GTF2E2: variants seen among roughly 807,000 people sequenced by gnomAD.
The protein encoded by GTF2E2 is general transcription factor IIE subunit 2, also known as transcription initiation factor IIE subunit beta.
Under a neutral mutation model 40.5 loss-of-function variants are expected in GTF2E2, and 21 were observed. That is an observed-to-expected ratio of 0.52 (90% CI 0.37 to 0.75). The LOEUF (loss-of-function observed/expected upper bound fraction) is 0.75. Ranked by LOEUF, GTF2E2 falls within the 30% of genes least tolerant of loss-of-function variation. The pLI, the probability that GTF2E2 is intolerant of heterozygous loss-of-function variation, is 0.00. For missense variants in GTF2E2, 298 were observed against 338.4 expected (o/e 0.88, Z 0.94); for synonymous variants, 117 against 121.6 (o/e 0.96, Z 0.25).
chr8:30,642,199 G>A (rs1235787034), intron 2 of GTF2E2, among the ~76,000 whole-genome samples: 1 of 151,008 alleles, frequency 6.6e-6, no homozygotes, highest in Non-Finnish European at 1.5e-5. Context: ...GTATTACAGT[G>A]CATTAAATAA....
intron 3 of GTF2E2, among the ~76,000 whole-genome samples, chr8:30,624,342 G>A (rs1303753684): frequency 1.3e-5 from 2 of 152,016 alleles, no homozygotes; most frequent in African/African-American, 4.8e-5. Context: ...TATTATTTCC[G>A]AGGGCTCTGT....
intron 6 of GTF2E2, among the ~76,000 whole-genome samples, chr8:30,591,816 C>A (rs1828859281): frequency 1.3e-5 from 2 of 152,134 alleles, no homozygotes; most frequent in Non-Finnish European, 2.9e-5. Flanking sequence ...CACACAAAAA[C>A]TTGTATAGGT....
intron 4 of GTF2E2, among the ~76,000 whole-genome samples, 171 bp from the exon 5 acceptor site, chr8:30,612,652 T>TTTC (rs1829512254): frequency 6.6e-6 from 1 of 152,060 alleles, no homozygotes; most frequent in East Asian, 1.9e-4. Context: ...TCAGCCTCCC[T>TTTC]CTCCTGCCTC....
intron 2 of GTF2E2, among the ~76,000 whole-genome samples, chr8:30,652,201 A>G (rs1462011894): frequency 1.3e-5 from 2 of 152,230 alleles, no homozygotes; most frequent in African/African-American, 4.8e-5. Flanking sequence ...ACAAATGATA[A>G]AAGAAAAAAA....
At chr8:30,654,948 T>C (rs62505315) in intron 1 of GTF2E2, among the ~76,000 whole-genome samples, 1 of 152,008 alleles carries the variant, frequency 6.6e-6, no homozygotes, top group East Asian at 1.9e-4. Flanking sequence ...TTGTTAGAAA[T>C]GTCTACAGAG....
At position 30,578,824 on chromosome 8, in the gene GTF2E2, C is replaced by A; in HGVS notation, c.*97G>T. The A allele has an allele frequency of 1.3e-6, 1 of 743,020 alleles. No homozygotes were observed. Among genetic ancestry groups the A allele is most frequent in the Non-Finnish European group, 2.5e-6 (1 of 404,012 alleles). 46.0% of individuals were successfully genotyped at this position (743,020 alleles called of 1,614,324 possible). A position where few individuals can be genotyped will look rare whatever the true frequency, so the allele number is the denominator to read the frequency against. The stretch of plus-strand genomic sequence containing the variant: ...ACTGAACTGCTCCTCTCCTCAGCCG[C>A]AAGAAGCAGATAGGAAGACAGTCTT... On this transcript the variant is annotated 3_prime_UTR_variant, in exon 8 of 8. Coordinates refer to ENST00000355904, the MANE Select transcript of GTF2E2 (RefSeq NM_002095.6).
chr8:30,654,992 G>C (rs970331295), intron 1 of GTF2E2, among the ~76,000 whole-genome samples: 7 of 152,102 alleles, frequency 4.6e-5, no homozygotes, highest in Non-Finnish European at 8.8e-5. Context: ...TGTAATCCCA[G>C]CACTTTGGGA....
Position 30,578,346 on chromosome 8 carries a change from C to G in GTF2E2, c.*575G>C, listed in dbSNP as rs1215177028. 1 of 152,282 alleles carries G rather than the reference C, an allele frequency of 6.6e-6. No homozygotes were observed. The highest frequency in any genetic ancestry group is 1.5e-5 in the Non-Finnish European group (1 of 68,098). 9.4% of individuals were successfully genotyped at this position (152,282 alleles called of 1,614,324 possible). On this transcript the variant is annotated 3_prime_UTR_variant, in exon 8 of 8. Coordinates refer to ENST00000355904, the MANE Select transcript of GTF2E2 (RefSeq NM_002095.6). ...CATCCAGCACATCTTTATTGCTCTG[C>G]TTGCTAACAAGCAGCACACCTGTGT... is the stretch of plus-strand genomic sequence containing the variant.
At chr8:30,615,380 C>G (rs1030019409) in intron 3 of GTF2E2, among the ~76,000 whole-genome samples, 3 of 152,140 alleles carry the variant, frequency 2.0e-5, no homozygotes, top group Non-Finnish European at 2.9e-5. Context: ...TTTCACCAAA[C>G]AATCCTATTT....
chr8:30,614,443 C>T (rs546794521), intron 4 of GTF2E2, among the ~76,000 whole-genome samples, 165 bp downstream of exon 4: 15 of 152,016 alleles, frequency 9.9e-5, no homozygotes, highest in African/African-American at 3.4e-4. Flanking sequence ...AGCCTGGTAT[C>T]GTGGCACATG....
At chr8:30,592,029 A>G (rs1026205338) in intron 6 of GTF2E2, among the ~76,000 whole-genome samples, 5 of 152,162 alleles carry the variant, frequency 3.3e-5, no homozygotes, top group Admixed American at 6.6e-5. Context: ...CATTTAATGC[A>G]ACAATGTTTT....
At chr8:30,620,673 C>G (rs923431369) in intron 3 of GTF2E2, among the ~76,000 whole-genome samples, 14 of 149,400 alleles carry the variant, frequency 9.4e-5, no homozygotes, top group African/African-American at 3.3e-4. Context: ...GTCTGCAATC[C>G]CAGCACTTGG....
chr8:30,628,947 A>G (rs975621979), intron 3 of GTF2E2, among the ~76,000 whole-genome samples: 1 of 151,972 alleles, frequency 6.6e-6, no homozygotes, highest in Non-Finnish European at 1.5e-5. Flanking sequence ...AAAAAAAAAA[A>G]ATTTTACCAG....
intron 6 of GTF2E2, among the ~76,000 whole-genome samples, chr8:30,582,657 C>T (rs1828546644): frequency 6.6e-6 from 1 of 152,228 alleles, no homozygotes; most frequent in Non-Finnish European, 1.5e-5. Flanking sequence ...AGTTGTTTTA[C>T]AGAAACTTCC....
At chr8:30,639,861 A>G (rs1801752092) in intron 2 of GTF2E2, among the ~76,000 whole-genome samples, 1 of 152,082 alleles carries the variant, frequency 6.6e-6, no homozygotes, top group Admixed American at 6.6e-5. Flanking sequence ...GGTTGCTGTA[A>G]TAAGATACTA....
Position 30,657,384 on chromosome 8 carries a change from T to G in GTF2E2, c.-5+589A>C, listed in dbSNP as rs576909375. Among the ~76,000 whole-genome samples the G allele has an allele frequency of 1.2e-3, 187 of 152,232 alleles. 1 individual carries two copies. The highest frequency in any genetic ancestry group is 2.0e-3 in the Non-Finnish European group (134 of 68,008). Reference sequence around the variant, plus strand: ...GCCACCATTCGACCTCTTTCAACCTTACTACTTCCCCTCTCTTTCACTTTT... The same window carrying G: ...GCCACCATTCGACCTCTTTCAACCTGACTACTTCCCCTCTCTTTCACTTTT... On this transcript the variant is annotated intron_variant, in intron 1 of 7. Transcript: ENST00000355904.
chr8:30,597,535 C>A (rs1253872109), intron 6 of GTF2E2: 1 of 152,238 alleles, frequency 6.6e-6, no homozygotes, highest in Admixed American at 6.5e-5. Context: ...TAACTGAATT[C>A]TCCTGCGGGA....
chr8:30,631,417 G>A (rs1026435408), intron 3 of GTF2E2, among the ~76,000 whole-genome samples: 1 of 152,160 alleles, frequency 6.6e-6, no homozygotes, highest in Non-Finnish European at 1.5e-5. Context: ...CAATTAGGGA[G>A]GCTGATTCCT....
At chr8:30,608,479 A>T (rs1002578451) in intron 5 of GTF2E2, among the ~76,000 whole-genome samples, 2 of 152,232 alleles carry the variant, frequency 1.3e-5, no homozygotes, top group African/African-American at 2.4e-5. Flanking sequence ...AAAATCTCTA[A>T]TAAAGCTGTT....
Sources: gnomAD v4.1 joint callset for allele counts (sites outside exome capture counted in the v4.1 genomes callset) on GRCh38, gnomAD v4.1.1 for gene constraint, MANE v1.5 for transcripts, NCBI Gene and HGNC (gene_info 2026-07-23, HGNC 2026-07-21) for gene names.